The following CENPQ variants were observed in gnomAD, a reference collection of about 807,000 sequenced individuals.
The protein encoded by CENPQ is chromosome 6 open reading frame 139.
A neutral mutation model predicts 36.6 loss-of-function variants in CENPQ; 27 were observed. The observed-to-expected ratio is 0.74, with a 90% CI of 0.54 to 1.02. The LOEUF (loss-of-function observed/expected upper bound fraction) is 1.02, where lower values mean the gene tolerates loss of function less well. CENPQ is among the 50% of genes least tolerant of loss of function. CENPQ has a pLI of 0.00. For synonymous variants in CENPQ, 101 were observed against 101.7 expected (o/e 0.99, Z 0.04); for missense variants, 306 against 301.8 (o/e 1.01, Z -0.10).
At chr6:49,489,276 TTCA>T (rs1445132014) in intron 8 of CENPQ, among the ~76,000 whole-genome samples, 2 of 152,180 alleles carry the variant, frequency 1.3e-5, no homozygotes, top group Admixed American at 6.5e-5. Context: ...TCATAACATC[TTCA>T]TCATGAATAG....
Position 49,492,387 on chromosome 6 carries a change from C to G in CENPQ, c.*112C>G. 1 of 874,318 alleles carries G rather than the reference C, an allele frequency of 1.1e-6. No homozygotes were observed. Among genetic ancestry groups the G allele is most frequent in the Non-Finnish European group, 1.7e-6 (1 of 600,808 alleles). 54.2% of individuals were successfully genotyped at this position (874,318 alleles called of 1,614,324 possible). ...CTAAGGCTTCTGCAGGATTTATTAT[C>G]TCCTGATATGCACTTTAAAATTAGT... On this transcript the variant is annotated 3_prime_UTR_variant, in exon 9 of 9. Transcript: ENST00000335783.
chr6:49,470,119 G>A, intron 1 of CENPQ, 40 bp from the exon 2 acceptor site: 1 of 857,106 alleles, frequency 1.2e-6, no homozygotes. Context: ...AGCTTTTTTT[G>A]TATTATTTTC....
At chr6:49,491,007 T>A (rs1231629652) in intron 8 of CENPQ, among the ~76,000 whole-genome samples, 2 of 152,176 alleles carry the variant, frequency 1.3e-5, no homozygotes, top group East Asian at 3.9e-4. Flanking sequence ...GATGTAGAGA[T>A]ACAAAGTGAG....
intron 5 of CENPQ, 95 bp from the exon 6 acceptor site, chr6:49,480,856 T>G: frequency 1.2e-6 from 1 of 815,968 alleles, no homozygotes; most frequent in South Asian, 2.4e-5. Flanking sequence ...TATTGTACCC[T>G]TAAGAATATG....
At chr6:49,485,980 G>A (rs1768569638) in intron 6 of CENPQ, among the ~76,000 whole-genome samples, 2 of 152,138 alleles carry the variant, frequency 1.3e-5, no homozygotes, top group Admixed American at 1.3e-4. Flanking sequence ...TCTAGGAAAA[G>A]GGTCTTGTCC....
chr6:49,471,941 C>A, intron 3 of CENPQ, 122 bp from the exon 4 acceptor site: 3 of 1,101,306 alleles, frequency 2.7e-6, no homozygotes, highest in South Asian at 2.2e-5. Flanking sequence ...ACAGTTTATA[C>A]AGCTTTATAA....
At chr6:49,481,777 C>T (rs1407190290) in intron 6 of CENPQ, among the ~76,000 whole-genome samples, 1 of 152,198 alleles carries the variant, frequency 6.6e-6, no homozygotes, top group African/African-American at 2.4e-5. Flanking sequence ...GTGGAGCCCA[C>T]ACTGGGGCTG....
intron 5 of CENPQ, 128 bp downstream of exon 5, chr6:49,472,986 G>A (rs948967600): frequency 3.3e-6 from 2 of 603,214 alleles, no homozygotes; most frequent in East Asian, 4.3e-5. Flanking sequence ...GAACAACTTG[G>A]AAGTATGTTT....
At chr6:49,489,515 C>A (rs1423426235) in intron 8 of CENPQ, among the ~76,000 whole-genome samples, 1 of 152,186 alleles carries the variant, frequency 6.6e-6, no homozygotes, top group Non-Finnish European at 1.5e-5. Context: ...TTTTTCTAAA[C>A]TCCTGTTATT....
intron 4 of CENPQ, among the ~76,000 whole-genome samples, chr6:49,472,388 A>G (rs1768163043): frequency 6.6e-6 from 1 of 152,200 alleles, no homozygotes; most frequent in Non-Finnish European, 1.5e-5. Context: ...TCGGTGAAAT[A>G]AAAGCAAGTG....
intron 8 of CENPQ, among the ~76,000 whole-genome samples, chr6:49,489,569 C>T (rs1768670525): frequency 6.6e-6 from 1 of 152,214 alleles, no homozygotes; most frequent in Non-Finnish European, 1.5e-5. Flanking sequence ...CTCTTACTGA[C>T]ATCTAGAATG....
chr6:49,481,168 C>A, intron 6 of CENPQ, 88 bp downstream of exon 6: 2 of 1,120,880 alleles, frequency 1.8e-6, no homozygotes, highest in East Asian at 2.5e-5. Flanking sequence ...GATGTTCTTC[C>A]AGTAGTGAAT....
intron 6 of CENPQ, among the ~76,000 whole-genome samples, chr6:49,481,357 C>T (rs889022312): frequency 2.0e-5 from 3 of 151,992 alleles, no homozygotes; most frequent in Admixed American, 6.5e-5. Flanking sequence ...AATGAAGCTG[C>T]GGACCCTCGT....
intron 8 of CENPQ, among the ~76,000 whole-genome samples, chr6:49,489,331 A>G (rs1292079918): frequency 1.3e-5 from 2 of 152,196 alleles, no homozygotes; most frequent in East Asian, 3.8e-4. Context: ...ATCCATAAGA[A>G]GTAACTCCTC....
At chr6:49,469,988 GTT>G (rs1238391159) in intron 1 of CENPQ, among the ~76,000 whole-genome samples, 169 bp from the exon 2 acceptor site, 1 of 147,204 alleles carries the variant, frequency 6.8e-6, no homozygotes, top group Non-Finnish European at 1.5e-5. Context: ...AAAAATGCTT[GTT>G]TAAAAGCATA....
chr6:49,480,153 G>A (rs1241224647), intron 5 of CENPQ, among the ~76,000 whole-genome samples: 2 of 151,876 alleles, frequency 1.3e-5, no homozygotes, highest in Non-Finnish European at 2.9e-5. Context: ...TGGGATAGTG[G>A]GTTCCACTAT....
intron 6 of CENPQ, among the ~76,000 whole-genome samples, chr6:49,484,730 G>A (rs184602236): frequency 7.2e-5 from 11 of 152,162 alleles, no homozygotes; most frequent in South Asian, 2.1e-4. Context: ...CTAATAGGGC[G>A]GCATTTTTTG....
chr6:49,471,176 T>C, intron 3 of CENPQ, 148 bp downstream of exon 3: 1 of 440,660 alleles, frequency 2.3e-6, no homozygotes, highest in East Asian at 3.6e-5. Context: ...TATGTAGTAG[T>C]GGTTAGTTAT....
intron 8 of CENPQ, among the ~76,000 whole-genome samples, chr6:49,491,377 G>T (rs1768719405): frequency 6.6e-6 from 1 of 152,086 alleles, no homozygotes; most frequent in Non-Finnish European, 1.5e-5. Flanking sequence ...ATACAGGTAA[G>T]ACTGGGTACA....
Sources: gnomAD v4.1 joint callset for allele counts (sites outside exome capture counted in the v4.1 genomes callset) on GRCh38, gnomAD v4.1.1 for gene constraint, MANE v1.5 for transcripts, NCBI Gene and HGNC (gene_info 2026-07-23, HGNC 2026-07-21) for gene names.